DACH1: variants seen among roughly 807,000 people sequenced by gnomAD.
The protein encoded by DACH1 is dachshund family transcription factor 1.
In DACH1, 12 loss-of-function variants were observed where a neutral mutation model predicts 54.2. That is an observed-to-expected ratio of 0.22 (90% confidence interval 0.14 to 0.36). The LOEUF (loss-of-function observed/expected upper bound fraction) is 0.36. DACH1 is among the 10% of genes least tolerant of loss of function. DACH1 has a pLI of 1.00. For missense variants in DACH1, 805 were observed against 929.8 expected, an observed-to-expected ratio of 0.87 and a Z score of 1.75; for synonymous variants, 386 against 366.2, an observed-to-expected ratio of 1.05 and a Z score of -0.62.
At chr13:71,484,603 C>T (rs1878322974) in intron 7 of DACH1, among the ~76,000 whole-genome samples, 2 of 152,180 alleles carry the variant, frequency 1.3e-5, no homozygotes, top group Admixed American at 1.3e-4. Context: ...GCTAACCTCA[C>T]TCCTAACTAA....
chr13:71,492,988 A>G (rs976168335), intron 6 of DACH1, among the ~76,000 whole-genome samples: 2 of 152,002 alleles, frequency 1.3e-5, no homozygotes, highest in African/African-American at 4.8e-5. Flanking sequence ...GTAGTTACAT[A>G]ACAAATATTT....
At chr13:71,581,029 G>C (rs1436712702) in intron 3 of DACH1, among the ~76,000 whole-genome samples, 1 of 146,680 alleles carries the variant, frequency 6.8e-6, no homozygotes, top group Non-Finnish European at 1.5e-5. Flanking sequence ...ACGTGGTCAA[G>C]CCTGTGTCTT....
At chr13:71,778,138 A>G (rs1334479004) in intron 1 of DACH1, among the ~76,000 whole-genome samples, 1 of 151,168 alleles carries the variant, frequency 6.6e-6, no homozygotes, top group African/African-American at 2.4e-5. Flanking sequence ...AAATAAATAA[A>G]TAAAACTATA....
rs562911453 is a variant in DACH1 at position 71,749,758 on chromosome 13, G to A, written c.849-67848C>T. 5.3e-5 allele frequency among the ~76,000 whole-genome samples: 8 copies of A among 152,168 alleles called. No individual in the cohort carries two copies. The South Asian group carries it at 1.0e-3, about 20-fold the overall frequency. On this transcript the variant is annotated intron_variant, in intron 1 of 10. Transcript: ENST00000613252. ...GTCGTTTATACCATTCTGTGAACCC[G>A]ACTAAGGAACACGAGTTCCGTAACC...
intron 1 of DACH1, among the ~76,000 whole-genome samples, chr13:71,772,622 G>A (rs1885905030): frequency 6.6e-6 from 1 of 151,514 alleles, no homozygotes; most frequent in South Asian, 2.1e-4. Flanking sequence ...TTCTCATTGA[G>A]GCAATATCCT....
chr13:71,573,412 T>C (rs1326961863), intron 3 of DACH1: 10 of 716,272 alleles, frequency 1.4e-5, no homozygotes, highest in African/African-American at 1.2e-4. Context: ...AAGAATGCCA[T>C]CGTACCATTT....
chr13:71,506,768 T>A (rs1181487644), intron 6 of DACH1, among the ~76,000 whole-genome samples: 42 of 152,058 alleles, frequency 2.8e-4, no homozygotes, highest in African/African-American at 1.0e-3. Context: ...TACAACTATC[T>A]GATCTTTGAT....
At chr13:71,812,530 AC>A (rs1268127460) in intron 1 of DACH1, among the ~76,000 whole-genome samples, 5 of 47,764 alleles carry the variant, frequency 1.0e-4, no homozygotes, top group Non-Finnish European at 4.3e-4. Context: ...CATCAGAAAC[AC>A]ATCAAAATGG....
intron 1 of DACH1, among the ~76,000 whole-genome samples, chr13:71,721,727 C>A (rs1883237350): frequency 1.3e-5 from 2 of 151,930 alleles, no homozygotes; most frequent in Non-Finnish European, 2.9e-5. Flanking sequence ...TGTGCGATAT[C>A]ATAAAATAAT....
chr13:71,601,925 T>C (rs1874524668), intron 3 of DACH1, among the ~76,000 whole-genome samples: 1 of 152,006 alleles, frequency 6.6e-6, no homozygotes, highest in African/African-American at 2.4e-5. Context: ...TGTGTAATGC[T>C]AAACAATGAG....
intron 6 of DACH1, among the ~76,000 whole-genome samples, chr13:71,491,533 C>A (rs541109279): frequency 6.6e-6 from 1 of 152,154 alleles, no homozygotes. Flanking sequence ...TATCATCTTA[C>A]ATAGCGAAGA....
rs1350408751 is a variant in DACH1 at position 71,438,487 on chromosome 13, C to CTGA, written c.*2165_*2167dup. On this transcript the variant is annotated 3_prime_UTR_variant, in exon 11 of 11. Coordinates refer to ENST00000613252, the MANE Select transcript of DACH1 (RefSeq NM_080759.6). ...AGTAAGAGTCTCTCTTAACATACAG[C>CTGA]TGATAGCTTTTTTCTTTAATCCTTG... 1 of 152,420 alleles carries CTGA rather than the reference C, an allele frequency of 6.6e-6. No homozygotes were observed. Among genetic ancestry groups the CTGA allele is most frequent in the African/African-American group, 2.4e-5 (1 of 41,416 alleles). 9.4% of individuals were successfully genotyped at this position (152,420 alleles called of 1,614,324 possible).
intron 6 of DACH1, among the ~76,000 whole-genome samples, chr13:71,541,056 A>T (rs895507558): frequency 4.6e-5 from 7 of 151,994 alleles, no homozygotes; most frequent in South Asian, 2.1e-4. Flanking sequence ...AGAGAAATAA[A>T]TATTATGTAA....
At position 71,850,393 on chromosome 13, in the gene DACH1, G is replaced by T. The variant is rs137983098; in HGVS notation, c.848+15529C>A. ...AAGGCCAGGATCCTTAACTCTAGTTGTCCAAACCATGCATTTCCCTTTGAC... is the reference window on the plus strand; with the variant it reads ...AAGGCCAGGATCCTTAACTCTAGTTTTCCAAACCATGCATTTCCCTTTGAC... On this transcript the variant is annotated intron_variant, in intron 1 of 10. Coordinates refer to ENST00000613252, the MANE Select transcript of DACH1 (RefSeq NM_080759.6). Among the ~76,000 whole-genome samples, 38 of 152,176 alleles carry T rather than the reference G, an allele frequency of 2.5e-4. No individual in the cohort carries two copies. In the East Asian group the frequency reaches 7.0e-3, roughly 28 times the overall value.
At chr13:71,484,167 T>G (rs988138675) in intron 7 of DACH1, among the ~76,000 whole-genome samples, 3 of 148,854 alleles carry the variant, frequency 2.0e-5, no homozygotes, top group African/African-American at 4.9e-5. Flanking sequence ...TTCTTGTGTG[T>G]GTATGTGTTT....
chr13:71,680,007 C>G (rs1429171202), intron 2 of DACH1, among the ~76,000 whole-genome samples: 2 of 151,248 alleles, frequency 1.3e-5, no homozygotes, highest in Non-Finnish European at 2.9e-5. Context: ...AAAGATTTTC[C>G]TATGTAATTC....
chr13:71,646,066 G>A (rs1258483805), intron 2 of DACH1, among the ~76,000 whole-genome samples: 4 of 151,996 alleles, frequency 2.6e-5, no homozygotes, highest in African/African-American at 4.8e-5. Context: ...GGCCAGGTGC[G>A]GTGGCTCATG....
At chr13:71,650,146 T>C (rs1472172818) in intron 2 of DACH1, among the ~76,000 whole-genome samples, 1 of 152,208 alleles carries the variant, frequency 6.6e-6, no homozygotes, top group Non-Finnish European at 1.5e-5. Flanking sequence ...TAGTGGAGAA[T>C]AGATAAAAGG....
At chr13:71,460,243 G>T (rs1357995659) in intron 10 of DACH1, among the ~76,000 whole-genome samples, 1 of 151,998 alleles carries the variant, frequency 6.6e-6, no homozygotes, top group Non-Finnish European at 1.5e-5. Flanking sequence ...AAAAACTTAA[G>T]TATATAAACA....
Sources: allele counts gnomAD v4.1 joint callset (sites outside exome capture counted in the v4.1 genomes callset), GRCh38; gene constraint gnomAD v4.1.1; transcripts MANE v1.5; gene names NCBI Gene and HGNC (gene_info 2026-07-23, HGNC 2026-07-21).